FRMD4B: variants seen among roughly 807,000 people sequenced by gnomAD.
FRMD4B encodes FERM domain containing 4B, also known as FERM domain-containing protein 4B.
A neutral mutation model predicts 141.5 loss-of-function variants in FRMD4B; 74 were observed. The observed-to-expected ratio is 0.52, with a 90% CI of 0.43 to 0.63. The LOEUF is 0.63. FRMD4B is among the 30% of genes least tolerant of loss of function. The pLI, the probability that FRMD4B is intolerant of heterozygous loss-of-function variation, is 0.00. For synonymous variants in FRMD4B, 506 were observed against 467.9 expected, an observed-to-expected ratio of 1.08 and a Z score of -1.05; for missense variants, 1,366 against 1,253.4, an observed-to-expected ratio of 1.09 and a Z score of -1.36.
rs1258906773 is a variant in FRMD4B at position 69,271,151 on chromosome 3, A to C, written c.501+16601T>G. ...ACCAAAAATATCAGTAGTAGGCTTA[A>C]ATGTTTTAGGATAATTCATATTAAA... On this transcript the variant is annotated intron_variant, in intron 5 of 22. Transcript: ENST00000398540. 3.9e-5 allele frequency among the ~76,000 whole-genome samples: 6 copies of C among 152,182 alleles called. No homozygotes were observed. The East Asian group carries it at 9.6e-4, about 24-fold the overall frequency.
intron 2 of FRMD4B, among the ~76,000 whole-genome samples, chr3:69,410,464 G>A (rs1372937491): frequency 2.6e-5 from 4 of 151,960 alleles, no homozygotes; most frequent in Non-Finnish European, 2.9e-5. Context: ...GTGTGAGTAC[G>A]TGAGTGTATG....
At chr3:69,221,712 C>T in intron 9 of FRMD4B, 146 bp downstream of exon 9, 1 of 625,156 alleles carries the variant, frequency 1.6e-6, no homozygotes, top group Non-Finnish European at 2.9e-6. Flanking sequence ...TATAGAATGA[C>T]CGAAGACATT....
chr3:69,445,546 T>TA (rs1413595338), intron 1 of FRMD4B, among the ~76,000 whole-genome samples: 2 of 152,174 alleles, frequency 1.3e-5, no homozygotes, highest in East Asian at 3.9e-4. Flanking sequence ...GACTAACACT[T>TA]AAACTCCAGC....
At chr3:69,418,402 G>A (rs1236002632) in intron 2 of FRMD4B, among the ~76,000 whole-genome samples, 1 of 152,138 alleles carries the variant, frequency 6.6e-6, no homozygotes, top group Non-Finnish European at 1.5e-5. Context: ...TCCCTTGAGT[G>A]TAGCCAGGGC....
At position 69,324,649 on chromosome 3, in the gene FRMD4B, G is replaced by T. The variant is rs189794363; in HGVS notation, c.163-11132C>A. Among the ~76,000 whole-genome samples, 330 of 152,282 alleles carry T rather than the reference G, an allele frequency of 2.2e-3. 1 individual carries two copies. Among genetic ancestry groups the T allele is most frequent in the African/African-American group, 7.7e-3 (321 of 41,568 alleles). ...TTTTGAGAACAACTGCTTTAGAGGT[G>T]AGGAGAAAAAAAGAAACTAGTAACA... is the stretch of plus-strand genomic sequence containing the variant. On this transcript the variant is annotated intron_variant, in intron 1 of 22. Transcript: ENST00000398540.
intron 1 of FRMD4B, among the ~76,000 whole-genome samples, chr3:69,484,520 A>G (rs1706181955): frequency 6.6e-6 from 1 of 152,178 alleles, no homozygotes; most frequent in Admixed American, 6.5e-5. Flanking sequence ...ATTAAGTGTT[A>G]GAATAGCTCA....
intron 5 of FRMD4B, among the ~76,000 whole-genome samples, chr3:69,280,548 A>G (rs1338550433): frequency 6.6e-6 from 1 of 152,178 alleles, no homozygotes; most frequent in Non-Finnish European, 1.5e-5. Context: ...ACCATGTACA[A>G]CAACGTTCAG....
intron 2 of FRMD4B, 119 bp from the exon 3 acceptor site, chr3:69,311,476 T>A (rs1689076619): frequency 6.7e-6 from 4 of 597,558 alleles, no homozygotes; most frequent in Non-Finnish European, 1.2e-5. Context: ...TCTTTATTAC[T>A]TGCCCTTGTT....
At chr3:69,471,409 G>A (rs888252097) in intron 1 of FRMD4B, 1 of 236,044 alleles carries the variant, frequency 4.2e-6, no homozygotes, top group African/African-American at 2.3e-5. Context: ...TGCTCAGCAA[G>A]AGAATGTAGC....
At chr3:69,287,062 A>G (rs1700712603) in intron 5 of FRMD4B, among the ~76,000 whole-genome samples, 1 of 152,150 alleles carries the variant, frequency 6.6e-6, no homozygotes, top group African/African-American at 2.4e-5. Flanking sequence ...CTTGGCCTCC[A>G]AAAGTGCTGG....
intron 2 of FRMD4B, among the ~76,000 whole-genome samples, chr3:69,406,237 C>T (rs1476971474): frequency 6.6e-6 from 1 of 152,254 alleles, no homozygotes; most frequent in Non-Finnish European, 1.5e-5. Flanking sequence ...CACTCACACT[C>T]TCAGGGTCCA....
intron 7 of FRMD4B, among the ~76,000 whole-genome samples, chr3:69,237,793 C>T (rs530307335): frequency 9.8e-5 from 15 of 152,298 alleles, no homozygotes; most frequent in African/African-American, 2.6e-4. Flanking sequence ...TGCAGTGGCG[C>T]GATCTCGGCT....
chr3:69,279,968 T>C (rs911089933), intron 5 of FRMD4B, among the ~76,000 whole-genome samples: 2 of 152,056 alleles, frequency 1.3e-5, no homozygotes, highest in African/African-American at 4.8e-5. Flanking sequence ...ACTATTTTAA[T>C]TTGCCAAGCC....
chr3:69,485,761 C>T (rs993156401), intron 1 of FRMD4B, among the ~76,000 whole-genome samples: 2 of 152,338 alleles, frequency 1.3e-5, no homozygotes, highest in Middle Eastern at 3.4e-3. Flanking sequence ...TGGGGTGACC[C>T]AGAGCTCCCC....
intron 1 of FRMD4B, among the ~76,000 whole-genome samples, chr3:69,442,361 C>T (rs977658527): frequency 2.0e-5 from 3 of 152,084 alleles, no homozygotes; most frequent in Non-Finnish European, 4.4e-5. Context: ...GGATTACAGG[C>T]ATGAGCCACT....
intron 5 of FRMD4B, among the ~76,000 whole-genome samples, chr3:69,262,227 GAA>G (rs895409926): frequency 3.3e-5 from 5 of 151,760 alleles, no homozygotes; most frequent in African/African-American, 1.2e-4. Context: ...TCAGCCTCCC[GAA>G]ATGCTAGGAT....
intron 1 of FRMD4B, among the ~76,000 whole-genome samples, chr3:69,540,613 T>TAAAAAAA (rs1157655761): frequency 0.012 from 161 of 13,994 alleles, 22 homozygotes; most frequent in Non-Finnish European, 0.014. Flanking sequence ...ACTCTGTCTC[T>TAAAAAAA]AAAAAAAAAA....
chr3:69,358,118 G>C (rs538347705), intron 1 of FRMD4B, among the ~76,000 whole-genome samples: 21 of 152,246 alleles, frequency 1.4e-4, no homozygotes, highest in African/African-American at 4.8e-4. Flanking sequence ...CACACATGCT[G>C]GTTTCTGTTT....
intron 1 of FRMD4B, among the ~76,000 whole-genome samples, chr3:69,355,408 T>G (rs1197257402): frequency 2.0e-5 from 3 of 152,238 alleles, no homozygotes; most frequent in Non-Finnish European, 4.4e-5. Flanking sequence ...TGTATTACTT[T>G]ATTTGACAGA....
Sources: gnomAD v4.1 joint callset for allele counts (sites outside exome capture counted in the v4.1 genomes callset) on GRCh38, gnomAD v4.1.1 for gene constraint, MANE v1.5 for transcripts, NCBI Gene and HGNC (gene_info 2026-07-23, HGNC 2026-07-21) for gene names.